PREX1: variants seen among roughly 807,000 people sequenced by gnomAD.
The protein encoded by PREX1 is phosphatidylinositol-3,4,5-trisphosphate dependent Rac exchange factor 1.
A neutral mutation model predicts 198.3 loss-of-function variants in PREX1; 41 were observed. The ratio of observed to expected loss-of-function variants is 0.21; its 90% confidence interval spans 0.16 to 0.27. The LOEUF (loss-of-function observed/expected upper bound fraction) is 0.27, where lower values mean the gene tolerates loss of function less well. PREX1 is among the 10% of genes least tolerant of loss of function. The probability of loss-of-function intolerance (pLI) is 1.00; values close to 1 mark genes in which losing one functional copy is unlikely to be tolerated. For synonymous variants in PREX1, 843 were observed against 887.2 expected (o/e 0.95, Z 0.89); for missense variants, 1,620 against 2,200.7 (o/e 0.74, Z 5.28).
the PREX1 span, among the ~76,000 whole-genome samples, chr20:48,856,680 G>A: frequency 2.0e-5 from 3 of 152,198 alleles, no homozygotes; most frequent in Non-Finnish European, 4.4e-5. Context: ...GCAAGAGGGG[G>A]ATGAGACTCT....
chr20:48,638,634 G>A (rs562124628), intron 30 of PREX1, among the ~76,000 whole-genome samples: 19 of 152,152 alleles, frequency 1.2e-4, no homozygotes, highest in Admixed American at 1.0e-3. Flanking sequence ...GACTCACCAC[G>A]CCAGGCACCA....
intron 14 of PREX1, among the ~76,000 whole-genome samples, chr20:48,675,365 T>A (rs2089701259): frequency 1.3e-5 from 2 of 152,194 alleles, no homozygotes; most frequent in Admixed American, 1.3e-4. Flanking sequence ...TCTTTATAAA[T>A]TACCCAGTCT....
At chr20:48,815,039 T>G (rs1280741556) in intron 1 of PREX1, among the ~76,000 whole-genome samples, 1 of 152,040 alleles carries the variant, frequency 6.6e-6, no homozygotes, top group African/African-American at 2.4e-5. Flanking sequence ...TTATCAGAGA[T>G]AAAAAGGAGT....
chr20:48,870,593 C>A, the PREX1 span, among the ~76,000 whole-genome samples: 57 of 152,302 alleles, frequency 3.7e-4, no homozygotes, highest in African/African-American at 1.3e-3. Flanking sequence ...GGGGCTGCCC[C>A]ACATCCACCA....
chr20:48,668,287 G>C (rs1326354886), intron 14 of PREX1, among the ~76,000 whole-genome samples: 5 of 152,192 alleles, frequency 3.3e-5, no homozygotes, highest in African/African-American at 1.2e-4. Flanking sequence ...ACCAGGGGAG[G>C]ACAAGCTGAG....
At chr20:48,880,342 AACAGTGGCATAAACACC>A in the PREX1 span, among the ~76,000 whole-genome samples, 3 of 152,194 alleles carry the variant, frequency 2.0e-5, no homozygotes, top group Non-Finnish European at 4.4e-5. Flanking sequence ...GACCAGGAAT[AACAGTGGCATAAACACC>A]ACAGATGTTT....
At chr20:48,875,385 G>A in the PREX1 span, among the ~76,000 whole-genome samples, 2 of 152,154 alleles carry the variant, frequency 1.3e-5, no homozygotes, top group African/African-American at 4.8e-5. Context: ...AGGAGGAAAG[G>A]AGAAGGCTGA....
chr20:48,711,589 T>A (rs2089931115), intron 5 of PREX1, among the ~76,000 whole-genome samples: 1 of 152,158 alleles, frequency 6.6e-6, no homozygotes, highest in Admixed American at 6.5e-5. Context: ...CACCCGTTTT[T>A]GTAAAAAAAA....
At chr20:48,667,415 C>A (rs553136409) in intron 14 of PREX1, among the ~76,000 whole-genome samples, 11 of 152,146 alleles carry the variant, frequency 7.2e-5, no homozygotes, top group African/African-American at 2.7e-4. Context: ...CATCTTCCCC[C>A]CCAGGTAAAA....
At position 48,666,399 on chromosome 20, in the gene PREX1, G is replaced by T; in HGVS notation, c.1666-44C>A. On this transcript the variant is annotated intron_variant, in intron 14 of 39. Coordinates refer to ENST00000371941, the MANE Select transcript of PREX1 (RefSeq NM_020820.4). The surrounding 1 kb of genome is among the most constrained non-coding windows in gnomAD (Gnocchi z 4.3). ...GGGAGGGTGTTAGGTGGCAGCATCC[G>T]AGAGGCCATGCATGGCCAACGAGAA... 1 of 1,493,308 alleles carries T rather than the reference G, an allele frequency of 6.7e-7. No individual in the cohort carries two copies. 92.5% of individuals were successfully genotyped at this position (1,493,308 alleles called of 1,614,324 possible). A position where few individuals can be genotyped will look rare whatever the true frequency, so the allele number is the denominator to read the frequency against.
chr20:48,819,939 C>T (rs2090477000), intron 1 of PREX1, among the ~76,000 whole-genome samples: 1 of 152,232 alleles, frequency 6.6e-6, no homozygotes, highest in Admixed American at 6.5e-5. Context: ...AGAAGCCACC[C>T]ACCCTCCCAG....
the PREX1 span, among the ~76,000 whole-genome samples, chr20:48,874,414 T>C: frequency 7.3e-6 from 1 of 137,848 alleles, no homozygotes. Context: ...TGTGTGTGTG[T>C]GTGTGTAGGG....
At chr20:48,771,510 G>A (rs1044046206) in intron 1 of PREX1, among the ~76,000 whole-genome samples, 4 of 151,730 alleles carry the variant, frequency 2.6e-5, no homozygotes, top group African/African-American at 2.4e-5. Context: ...GGTGGCTCAC[G>A]CCTGTAATCC....
At chr20:48,697,028 T>C (rs377334566) in intron 7 of PREX1, among the ~76,000 whole-genome samples, 1 of 151,616 alleles carries the variant, frequency 6.6e-6, no homozygotes, top group East Asian at 1.9e-4. Flanking sequence ...CTGGAGAATC[T>C]TGACTTAATA....
intron 7 of PREX1, among the ~76,000 whole-genome samples, chr20:48,696,950 G>A (rs73911638): frequency 0.013 from 1,963 of 147,494 alleles, 45 homozygotes; most frequent in African/African-American, 0.048. Context: ...CCATAATCAC[G>A]AGTCAACTGC....
the PREX1 span, among the ~76,000 whole-genome samples, chr20:48,843,616 C>A: frequency 6.6e-6 from 1 of 152,206 alleles, no homozygotes; most frequent in Non-Finnish European, 1.5e-5. Flanking sequence ...CTCCCTACTG[C>A]TGACTAAAGT....
intron 14 of PREX1, among the ~76,000 whole-genome samples, chr20:48,673,884 C>A (rs2089692386): frequency 1.3e-5 from 2 of 152,206 alleles, no homozygotes; most frequent in Admixed American, 6.5e-5. Context: ...AAGCACTTTA[C>A]ACAATTATCT....
intron 14 of PREX1, among the ~76,000 whole-genome samples, chr20:48,669,569 G>C (rs930542294): frequency 5.3e-5 from 8 of 152,154 alleles, no homozygotes; most frequent in Non-Finnish European, 1.2e-4. Flanking sequence ...GGAAGAAAAG[G>C]GATGTGATGG....
chr20:48,863,618 C>T, the PREX1 span, among the ~76,000 whole-genome samples: 13 of 130,020 alleles, frequency 1.0e-4, no homozygotes, highest in Admixed American at 1.1e-3. Context: ...GACACAGTCT[C>T]GCTCTGTCGC....
Sources: gnomAD v4.1 joint callset for allele counts (sites outside exome capture counted in the v4.1 genomes callset) on GRCh38, gnomAD v4.1.1 for gene constraint, Gnocchi (gnomAD v3.1) non-coding constraint, MANE v1.5 for transcripts, NCBI Gene and HGNC (gene_info 2026-07-23, HGNC 2026-07-21) for gene names.